SEC11A: variants seen among roughly 807,000 people sequenced by gnomAD.
SEC11A encodes the protein SEC11 homolog A, signal peptidase complex subunit.
Under a neutral mutation model 25.6 loss-of-function variants are expected in SEC11A, and 14 were observed. The ratio of observed to expected loss-of-function variants is 0.55; its 90% confidence interval spans 0.36 to 0.85. The LOEUF is 0.85. SEC11A is among the 40% of genes least tolerant of loss of function. SEC11A has a pLI of 0.01. For missense variants in SEC11A, 153 were observed against 222.9 expected, an observed-to-expected ratio of 0.69 and a Z score of 2.00; for synonymous variants, 83 against 76.4, an observed-to-expected ratio of 1.09 and a Z score of -0.45.
At chr15:84,677,963 T>C (rs113852255) in intron 4 of SEC11A, among the ~76,000 whole-genome samples, 4 of 152,188 alleles carry the variant, frequency 2.6e-5, no homozygotes, top group African/African-American at 9.6e-5. Flanking sequence ...TAGGAGACCA[T>C]GGTAGGCAGG....
intron 1 of SEC11A, among the ~76,000 whole-genome samples, chr15:84,695,621 A>C (rs1273991910): frequency 6.6e-6 from 1 of 152,166 alleles, no homozygotes; most frequent in Non-Finnish European, 1.5e-5. Flanking sequence ...CCAGAGCAAG[A>C]CTGTGTCTCA....
intron 1 of SEC11A, among the ~76,000 whole-genome samples, chr15:84,709,419 CTGTT>C (rs927179972): frequency 2.6e-5 from 4 of 151,900 alleles, no homozygotes. Context: ...GTTAAGAACT[CTGTT>C]TGTATTTGTT....
At chr15:84,679,287 C>A (rs757056841) in intron 4 of SEC11A, 2 of 1,250,852 alleles carry the variant, frequency 1.6e-6, no homozygotes, top group South Asian at 2.5e-5. Flanking sequence ...GCACTGATGA[C>A]CTAATTTGGA....
At chr15:84,689,715 C>T (rs1897546080) in intron 2 of SEC11A, among the ~76,000 whole-genome samples, 1 of 151,036 alleles carries the variant, frequency 6.6e-6, no homozygotes, top group African/African-American at 2.4e-5. Context: ...TCAAGCAATT[C>T]TCCTGCCTCA....
intron 4 of SEC11A, among the ~76,000 whole-genome samples, chr15:84,676,148 T>C (rs1011300625): frequency 2.6e-5 from 4 of 152,242 alleles, no homozygotes; most frequent in Admixed American, 6.5e-5. Flanking sequence ...GTGAATTTTA[T>C]ATTCTAATAT....
intron 1 of SEC11A, among the ~76,000 whole-genome samples, chr15:84,702,978 T>C (rs988328611): frequency 6.6e-5 from 10 of 152,192 alleles, no homozygotes; most frequent in Admixed American, 3.9e-4. Flanking sequence ...GCTGTACTAG[T>C]ACCTGGGATT....
chr15:84,689,856 C>T (rs1002314039), intron 2 of SEC11A, among the ~76,000 whole-genome samples: 47 of 152,130 alleles, frequency 3.1e-4, no homozygotes, highest in African/African-American at 1.1e-3. Flanking sequence ...GATCTGCCCG[C>T]CTTGGCCTTC....
At chr15:84,685,194 G>A (rs945672756) in intron 3 of SEC11A, among the ~76,000 whole-genome samples, 1 of 151,800 alleles carries the variant, frequency 6.6e-6, no homozygotes, top group Non-Finnish European at 1.5e-5. Context: ...TATATTCTCT[G>A]TCTATGAATC....
intron 1 of SEC11A, among the ~76,000 whole-genome samples, chr15:84,696,869 A>G (rs1320447443): frequency 6.6e-6 from 1 of 152,156 alleles, no homozygotes; most frequent in Non-Finnish European, 1.5e-5. Flanking sequence ...TAGACATTTA[A>G]TAAGATAACT....
rs184527745 is a variant in SEC11A, at chr15:84,700,937, G to A, written c.52-9293C>T. Among the ~76,000 whole-genome samples, 7 of 132,458 alleles carry A rather than the reference G, an allele frequency of 5.3e-5. No individual in the cohort carries two copies. The East Asian group carries it at 1.4e-3, about 26-fold the overall frequency. The allele number at this position is 132,458 out of a possible 152,430, so 86.9% of individuals were successfully genotyped here. A position where few individuals can be genotyped will look rare whatever the true frequency, so the allele number is the denominator to read the frequency against. The stretch of plus-strand genomic sequence containing the variant: ...AGAGGTTGCAGTAAGCCGACATCAC[G>A]CCATTGCATGTACTCCTACCTGGGC... On this transcript the variant is annotated intron_variant, in intron 1 of 5. Transcript: ENST00000268220.
intron 1 of SEC11A, among the ~76,000 whole-genome samples, chr15:84,702,466 C>CA (rs759030374): frequency 4.0e-3 from 388 of 96,826 alleles, no homozygotes; most frequent in Middle Eastern, 6.1e-3. Flanking sequence ...AACTCCGTCT[C>CA]AAAAAAAAAA....
intron 1 of SEC11A, among the ~76,000 whole-genome samples, chr15:84,709,909 AT>A (rs1898210138): frequency 6.6e-6 from 1 of 151,930 alleles, no homozygotes; most frequent in Admixed American, 6.6e-5. Flanking sequence ...CACCTGGCTA[AT>A]TTTTGTATTT....
chr15:84,710,240 T>C (rs1321839509), intron 1 of SEC11A, among the ~76,000 whole-genome samples: 2 of 152,212 alleles, frequency 1.3e-5, no homozygotes, highest in African/African-American at 4.8e-5. Context: ...TAGTCCATGT[T>C]TGTTGAATAA....
chr15:84,700,928 C>T (rs1280737189), intron 1 of SEC11A, among the ~76,000 whole-genome samples: 1 of 142,282 alleles, frequency 7.0e-6, no homozygotes, highest in Non-Finnish European at 1.5e-5. Flanking sequence ...TGCAGTAAGC[C>T]GACATCACGC....
intron 1 of SEC11A, among the ~76,000 whole-genome samples, chr15:84,709,278 G>T (rs1309112728): frequency 6.6e-6 from 1 of 151,808 alleles, no homozygotes; most frequent in African/African-American, 2.4e-5. Flanking sequence ...CAATCATCCT[G>T]CCTCAGCCTC....
At chr15:84,684,123 C>T (rs116425303) in intron 3 of SEC11A, among the ~76,000 whole-genome samples, 471 of 152,294 alleles carry the variant, frequency 3.1e-3, no homozygotes, top group Middle Eastern at 0.024. Flanking sequence ...GATTAAGTCA[C>T]CCAATGGTAA....
chr15:84,686,192 T>C (rs1266728423), intron 3 of SEC11A, among the ~76,000 whole-genome samples: 1 of 152,228 alleles, frequency 6.6e-6, no homozygotes, highest in African/African-American at 2.4e-5. Context: ...CATACTGATA[T>C]CTGATTTTAT....
intron 2 of SEC11A, among the ~76,000 whole-genome samples, chr15:84,691,246 G>T (rs975976151): frequency 5.3e-5 from 8 of 151,622 alleles, no homozygotes; most frequent in African/African-American, 2.4e-5. Flanking sequence ...GCTAATTTTT[G>T]TATTTTTTGT....
intron 3 of SEC11A, among the ~76,000 whole-genome samples, chr15:84,683,421 A>AAACAAACAAACAAACT (rs1446789078): frequency 7.2e-6 from 1 of 139,636 alleles, no homozygotes; most frequent in Non-Finnish European, 1.6e-5. Flanking sequence ...ACAAACAAAC[A>AAACAAACAAACAAACT]AACTAACTAA....
Sources: gnomAD v4.1 joint callset for allele counts (sites outside exome capture counted in the v4.1 genomes callset) on GRCh38, gnomAD v4.1.1 for gene constraint, MANE v1.5 for transcripts, NCBI Gene and HGNC (gene_info 2026-07-23, HGNC 2026-07-21) for gene names.